TMEM272: variants seen among roughly 807,000 people sequenced by gnomAD.
TMEM272 encodes the protein long intergenic non-protein coding RNA 282.
TMEM272 carries 8 observed loss-of-function variants against 3.7 expected under a neutral mutation model. That is an observed-to-expected ratio of 2.17 (90% CI 1.27 to 3.91). TMEM272 has a LOEUF of 3.91. Among genes scored for constraint, TMEM272 ranks in the 30% most tolerant of loss-of-function variants. The pLI, the probability that TMEM272 is intolerant of heterozygous loss-of-function variation, is 0.00. For synonymous variants in TMEM272, 63 were observed against 39.8 expected, an observed-to-expected ratio of 1.58 and a Z score of -2.20; for missense variants, 166 against 91.5, an observed-to-expected ratio of 1.81 and a Z score of -3.32.
the TMEM272 span, among the ~76,000 whole-genome samples, chr13:51,874,433 C>T: frequency 6.6e-6 from 1 of 152,082 alleles, no homozygotes; most frequent in African/African-American, 2.4e-5. Context: ...CTTGGGCATG[C>T]AATAGATACT....
Position 51,814,359 on chromosome 13 carries a change from G to A in TMEM272, c.*2392C>T, listed in dbSNP as rs1382210569. 6.6e-6 allele frequency: 1 copy of A among 152,230 alleles called. No individual in the cohort carries two copies. Among genetic ancestry groups the A allele is most frequent in the Non-Finnish European group, 1.5e-5 (1 of 68,050 alleles). 9.4% of individuals were successfully genotyped at this position (152,230 alleles called of 1,614,324 possible). A position where few individuals can be genotyped will look rare whatever the true frequency, so the allele number is the denominator to read the frequency against. On this transcript the variant is annotated 3_prime_UTR_variant, in exon 5 of 5. Coordinates refer to ENST00000629372, the MANE Select transcript of TMEM272 (RefSeq NM_001351003.2). ...AATCAGTTATCATTCAAAGCCTGCTGCGCTTGAAGATGTCACCCACTGAAC... is the reference window on the plus strand; with the variant it reads ...AATCAGTTATCATTCAAAGCCTGCTACGCTTGAAGATGTCACCCACTGAAC...
At chr13:51,865,294 T>A in the TMEM272 span, 1 of 1,119,932 alleles carries the variant, frequency 8.9e-7, no homozygotes, top group Admixed American at 2.4e-5. Flanking sequence ...CCCTGGCATG[T>A]GATACTCATA....
chr13:51,835,228 C>T (rs9535768), intron 2 of TMEM272, among the ~76,000 whole-genome samples: 69 of 72,474 alleles, frequency 9.5e-4, no homozygotes, highest in South Asian at 2.6e-3. Flanking sequence ...TATTTTCTTT[C>T]TTTTTTTTTT....
the TMEM272 span, among the ~76,000 whole-genome samples, chr13:51,926,108 G>A: frequency 1.3e-5 from 2 of 151,568 alleles, no homozygotes; most frequent in Non-Finnish European, 2.9e-5. Context: ...TGTGTGTGGT[G>A]TGTGTGTGTG....
At chr13:51,933,173 T>C in the TMEM272 span, 4 of 152,192 alleles carry the variant, frequency 2.6e-5, no homozygotes, top group African/African-American at 9.7e-5. Context: ...CAAGGACCTT[T>C]TCCTCGTTTA....
intron 2 of TMEM272, among the ~76,000 whole-genome samples, chr13:51,833,370 C>T (rs1485545390): frequency 6.6e-6 from 1 of 151,996 alleles, no homozygotes; most frequent in African/African-American, 2.4e-5. Flanking sequence ...AAATAATCAT[C>T]AATAATATCA....
chr13:51,865,863 C>T, the TMEM272 span: 1 of 1,613,600 alleles, frequency 6.2e-7, no homozygotes, highest in Non-Finnish European at 8.5e-7. Context: ...GAAGAAAAGG[C>T]CCTGTGGGTA....
chr13:51,909,812 G>A, the TMEM272 span: 2 of 1,587,352 alleles, frequency 1.3e-6, no homozygotes, highest in Non-Finnish European at 1.7e-6. Context: ...TCTTTAGCAA[G>A]CGTTCAGTCA....
the TMEM272 span, among the ~76,000 whole-genome samples, chr13:51,921,898 C>T: frequency 6.6e-6 from 1 of 152,152 alleles, no homozygotes; most frequent in Non-Finnish European, 1.5e-5. Context: ...TATCCCTCCC[C>T]ACCCACTGTG....
At position 51,816,763 on chromosome 13, in the gene TMEM272, G is replaced by A. The variant is rs757953150; in HGVS notation, c.552C>T (p.Ala184=). ...GACAAGGCAGCTGTCAGTCTTCATC[G>A]GCAGCAAGTCTCCACCTGGAGCACA... The part of the protein sequence containing the change: ...VYLCSRWRLA[A]DED Residue 184 remains alanine, a synonymous_variant, in exon 5 of 5, where the codon GCC becomes GCT. Coordinates refer to ENST00000629372, the MANE Select transcript of TMEM272 (RefSeq NM_001351003.2). 7.3e-5 allele frequency: 51 copies of A among 697,804 alleles called. No individual in the cohort carries two copies. The highest frequency in any genetic ancestry group is 7.0e-4 in the African/African-American group (40 of 57,124). The allele number at this position is 697,804 out of a possible 1,614,324, so 43.2% of individuals were successfully genotyped here.
At chr13:51,872,916 C>T in the TMEM272 span, among the ~76,000 whole-genome samples, 795 of 152,278 alleles carry the variant, frequency 5.2e-3, 9 homozygotes, top group African/African-American at 0.019. Context: ...TCAATTCACA[C>T]GAATGCCCCC....
rs141986087 is a variant in TMEM272 at position 51,831,825 on chromosome 13, A to G, written c.59-5200T>C. On this transcript the variant is annotated intron_variant, in intron 2 of 4. Coordinates refer to ENST00000629372, the MANE Select transcript of TMEM272 (RefSeq NM_001351003.2). ...TTAATACTGTCCTGCCTTCTGGTCTATTGAGCACCAATTCCAATGCAACTC... is the reference window on the plus strand; with the variant it reads ...TTAATACTGTCCTGCCTTCTGGTCTGTTGAGCACCAATTCCAATGCAACTC... Among the ~76,000 whole-genome samples the G allele has an allele frequency of 2.9e-3, 439 of 152,358 alleles. 3 individuals are homozygous for G. Among genetic ancestry groups the G allele is most frequent in the African/African-American group, 0.01 (426 of 41,592 alleles).
the TMEM272 span, among the ~76,000 whole-genome samples, chr13:51,888,551 C>T: frequency 6.6e-6 from 1 of 151,494 alleles, no homozygotes; most frequent in African/African-American, 2.4e-5. Flanking sequence ...CTTCATGCAT[C>T]TTGCTTTTCT....
the TMEM272 span, among the ~76,000 whole-genome samples, chr13:51,887,488 G>A: frequency 6.6e-6 from 1 of 152,098 alleles, no homozygotes; most frequent in Admixed American, 6.5e-5. Flanking sequence ...TTTTCATTTC[G>A]AAAATGAAGA....
chr13:51,816,555 C>T lies in TMEM272; in HGVS notation c.*196G>A. The T allele has an allele frequency of 3.9e-6, 2 of 516,366 alleles. No individual in the cohort carries two copies. Among genetic ancestry groups the T allele is most frequent in the Non-Finnish European group, 6.9e-6 (2 of 290,132 alleles). The allele number at this position is 516,366 out of a possible 1,614,324, so 32.0% of individuals were successfully genotyped here. A position where few individuals can be genotyped will look rare whatever the true frequency, so the allele number is the denominator to read the frequency against. ...AGTGATTTCCCCATGTCTAGGAAGG[C>T]AAGAGTTTCTTTAGTCTGCTATTAT... On this transcript the variant is annotated 3_prime_UTR_variant, in exon 5 of 5. Coordinates refer to ENST00000629372, the MANE Select transcript of TMEM272 (RefSeq NM_001351003.2).
At chr13:51,857,311 A>G in the TMEM272 span, among the ~76,000 whole-genome samples, 2 of 152,102 alleles carry the variant, frequency 1.3e-5, no homozygotes, top group African/African-American at 4.8e-5. Context: ...CAAGACCCAT[A>G]CTAAAGAATA....
intron 4 of TMEM272, among the ~76,000 whole-genome samples, chr13:51,817,642 C>T (rs764764164): frequency 3.9e-5 from 6 of 152,202 alleles, no homozygotes; most frequent in Non-Finnish European, 5.9e-5. Context: ...ACCCCAGCCC[C>T]GCCCAGCCTG....
rs7327746 is a variant in TMEM272 at position 51,842,894 on chromosome 13, G to A, written c.-24+2122C>T. 1.2e-3 allele frequency among the ~76,000 whole-genome samples: 183 copies of A among 152,250 alleles called. 2 individuals carry two copies. Among genetic ancestry groups the A allele is most frequent in the Middle Eastern group, 6.8e-3 (2 of 294 alleles). On this transcript the variant is annotated intron_variant, in intron 1 of 4. Coordinates refer to ENST00000629372, the MANE Select transcript of TMEM272 (RefSeq NM_001351003.2). ...TAAGAGACATTTCTCTCCATGAAAA[G>A]TGCTTTGTTTCATGCACACGTAGAT...
chr13:51,926,484 C>CA, the TMEM272 span, among the ~76,000 whole-genome samples: 1 of 152,118 alleles, frequency 6.6e-6, no homozygotes, highest in African/African-American at 2.4e-5. Context: ...AGGGCGTAAT[C>CA]AGAGTAAACC....
Sources: gnomAD v4.1 joint callset for allele counts (sites outside exome capture counted in the v4.1 genomes callset) on GRCh38, gnomAD v4.1.1 for gene constraint, MANE v1.5 for transcripts, NCBI Gene and HGNC (gene_info 2026-07-23, HGNC 2026-07-21) for gene names.